The following PVT1 variants were observed in gnomAD, a reference collection of about 807,000 sequenced individuals.
PVT1 encodes the protein CXCR4/PVT1 fusion.
At chr8:127,949,806 C>T (rs1816482018) in intron 3 of PVT1, among the ~76,000 whole-genome samples, 2 of 152,236 alleles carry the variant, frequency 1.3e-5, no homozygotes, top group South Asian at 2.1e-4. Context: ...CAGGGAGGCC[C>T]AGTGCCGGCT....
At chr8:127,815,193 C>T (rs368764542) in intron 2 of PVT1, among the ~76,000 whole-genome samples, 5 of 152,326 alleles carry the variant, frequency 3.3e-5, no homozygotes, top group Admixed American at 3.3e-4. Flanking sequence ...TCTCAAACTC[C>T]TGACCTCAGG....
chr8:127,859,409 G>T (rs993065218), intron 2 of PVT1, among the ~76,000 whole-genome samples: 1 of 152,046 alleles, frequency 6.6e-6, no homozygotes, highest in Non-Finnish European at 1.5e-5. Context: ...CTCATATTAC[G>T]CCGTGGCTGA....
chr8:127,873,228 G>T (rs74962159), intron 2 of PVT1, among the ~76,000 whole-genome samples: 15,485 of 152,176 alleles, frequency 0.1, 858 homozygotes, highest in East Asian at 0.14. Flanking sequence ...GCTTCTCCTT[G>T]CAGCCTTCTG....
At chr8:127,955,708 G>A (rs1480084292) in intron 3 of PVT1, among the ~76,000 whole-genome samples, 1 of 151,596 alleles carries the variant, frequency 6.6e-6, no homozygotes, top group Non-Finnish European at 1.5e-5. Flanking sequence ...TCAGCCTCCC[G>A]AGTAGCTGGG....
At chr8:128,062,140 T>C (rs905790052) in intron 4 of PVT1, among the ~76,000 whole-genome samples, 3 of 152,136 alleles carry the variant, frequency 2.0e-5, no homozygotes, top group Admixed American at 1.3e-4. Context: ...TCCCAACTGG[T>C]GAATGCCTGG....
intron 2 of PVT1, among the ~76,000 whole-genome samples, chr8:127,806,366 C>A (rs1409631385): frequency 5.9e-5 from 9 of 152,184 alleles, no homozygotes; most frequent in Middle Eastern, 3.4e-3. Context: ...GAGGCTGAGG[C>A]AGGAGAATCG....
chr8:127,846,764 C>T (rs960182836), intron 2 of PVT1, among the ~76,000 whole-genome samples: 20 of 151,788 alleles, frequency 1.3e-4, no homozygotes, highest in African/African-American at 4.6e-4. Flanking sequence ...CTCTGCCTTC[C>T]GGATTCAAGC....
At chr8:127,832,687 T>C (rs1476180065) in intron 2 of PVT1, among the ~76,000 whole-genome samples, 3 of 151,926 alleles carry the variant, frequency 2.0e-5, no homozygotes, top group African/African-American at 7.3e-5. Flanking sequence ...TGAAACCCCA[T>C]CTCTACTAAA....
chr8:128,064,643 G>A (rs1473204313), intron 4 of PVT1, among the ~76,000 whole-genome samples: 2 of 152,298 alleles, frequency 1.3e-5, no homozygotes, highest in East Asian at 3.9e-4. Flanking sequence ...CATTTGACCA[G>A]TTAAGTGCTA....
rs183090572 is a variant in PVT1 at position 127,803,743 on chromosome 8, C to T, written n.372+7672C>T. Among the ~76,000 whole-genome samples the T allele has an allele frequency of 8.8e-3, 1,226 of 138,784 alleles. 21 individuals carry two copies. Among genetic ancestry groups the T allele is most frequent in the African/African-American group, 0.03 (1,115 of 37,100 alleles). 91.0% of individuals were successfully genotyped at this position (138,784 alleles called of 152,430 possible). A position where few individuals can be genotyped will look rare whatever the true frequency, so the allele number is the denominator to read the frequency against. On this transcript the variant is annotated intron_variant and non_coding_transcript_variant, in intron 2 of 10. Transcript: ENST00000651587. The stretch of plus-strand genomic sequence containing the variant: ...CTACAGTTTTTTTTTTTTTTTGAGA[C>T]GGAATCTTGCTCTGTCATCAAGGCT...
chr8:127,841,828 T>C (rs200671272), intron 2 of PVT1, among the ~76,000 whole-genome samples: 3 of 151,864 alleles, frequency 2.0e-5, no homozygotes, highest in East Asian at 1.9e-4. Flanking sequence ...CAGGTTCAAG[T>C]GATTCTCATG....
intron 3 of PVT1, among the ~76,000 whole-genome samples, chr8:127,914,698 T>C (rs1474854233): frequency 6.6e-6 from 1 of 152,184 alleles, no homozygotes; most frequent in Non-Finnish European, 1.5e-5. Context: ...TCACATATTG[T>C]CTGATTCCAT....
Position 127,898,256 on chromosome 8 carries a change from A to T in PVT1, n.782+7258A>T. Among the ~76,000 whole-genome samples, 1 of 152,176 alleles carries T rather than the reference A, an allele frequency of 6.6e-6. No homozygotes were observed. The highest frequency in any genetic ancestry group is 1.9e-4 in the East Asian group (1 of 5,206). ...AAGAAAGAAAGAAACGAAGGAAGGA[A>T]GAAAGAAAGAGTGTAAAGAAATAAA... is the stretch of plus-strand genomic sequence containing the variant. On this transcript the variant is annotated intron_variant and non_coding_transcript_variant, in intron 3 of 10. Coordinates refer to ENST00000651587, the Ensembl canonical transcript of PVT1. The surrounding 1 kb of genome is among the most constrained non-coding windows in gnomAD (Gnocchi z 4.4).
At chr8:128,048,899 A>G (rs1813652073) in intron 4 of PVT1, among the ~76,000 whole-genome samples, 1 of 152,222 alleles carries the variant, frequency 6.6e-6, no homozygotes, top group Non-Finnish European at 1.5e-5. Flanking sequence ...GCCAAGTCAG[A>G]AGAGGTTATA....
chr8:128,022,817 C>T (rs1817453670), intron 4 of PVT1, among the ~76,000 whole-genome samples: 2 of 151,762 alleles, frequency 1.3e-5, no homozygotes, highest in South Asian at 4.2e-4. Context: ...TCATTCTGGA[C>T]TGACTGTGTC....
At chr8:128,006,115 T>TAAC in intron 4 of PVT1, among the ~76,000 whole-genome samples, 1 of 116,306 alleles carries the variant, frequency 8.6e-6, no homozygotes, top group African/African-American at 3.3e-5. Context: ...ATAATAATAA[T>TAAC]AATAATAATA....
At chr8:127,953,999 A>C (rs1302851052) in intron 3 of PVT1, among the ~76,000 whole-genome samples, 31 of 152,192 alleles carry the variant, frequency 2.0e-4, no homozygotes, top group Admixed American at 2.0e-3. Flanking sequence ...AATACTGATC[A>C]TCTTGAATAT....
chr8:127,823,368 A>G (rs1001400623), intron 2 of PVT1, among the ~76,000 whole-genome samples: 5 of 152,230 alleles, frequency 3.3e-5, no homozygotes, highest in Admixed American at 6.5e-5. Context: ...TGCTTTTGAT[A>G]TGCTTAAATT....
At chr8:127,803,745 G>T (rs1814496577) in intron 2 of PVT1, among the ~76,000 whole-genome samples, 1 of 150,142 alleles carries the variant, frequency 6.7e-6, no homozygotes, top group Admixed American at 6.6e-5. Context: ...TTTTGAGACG[G>T]AATCTTGCTC....
Sources: allele counts gnomAD v4.1 joint callset (sites outside exome capture counted in the v4.1 genomes callset), GRCh38; gene constraint gnomAD v4.1.1; non-coding constraint Gnocchi (gnomAD v3.1); transcripts MANE v1.5; gene names NCBI Gene and HGNC (gene_info 2026-07-23, HGNC 2026-07-21).